PFKL: variants seen among roughly 807,000 people sequenced by gnomAD.
PFKL encodes phosphofructokinase, liver type, also known as ATP-dependent 6-phosphofructokinase, liver type.
A neutral mutation model predicts 92.1 loss-of-function variants in PFKL; 74 were observed. That is an observed-to-expected ratio of 0.80 (90% confidence interval 0.67 to 0.97). PFKL has a LOEUF of 0.97. PFKL is among the 50% of genes least tolerant of loss of function. PFKL has a pLI of 0.00. For missense variants in PFKL, 1,028 were observed against 1,116.6 expected, an observed-to-expected ratio of 0.92 and a Z score of 1.13; for synonymous variants, 494 against 456.4, an observed-to-expected ratio of 1.08 and a Z score of -1.05.
chr21:44,322,260 C>G, intron 14 of PFKL, 57 bp downstream of exon 14: 1 of 1,512,252 alleles, frequency 6.6e-7, no homozygotes, highest in Non-Finnish European at 9.0e-7. Context: ...AGTATCCAGG[C>G]CCTGCAGGTG....
chr21:44,324,808 T>A, intron 17 of PFKL, 48 bp from the exon 18 acceptor site: 1 of 1,594,098 alleles, frequency 6.3e-7, no homozygotes, highest in Non-Finnish European at 8.6e-7. Flanking sequence ...CAGCCTGGAA[T>A]TCCCTCCCCA....
Position 44,307,040 on chromosome 21 carries a change from T to C in PFKL, c.159+286T>C, listed in dbSNP as rs1027379176. On this transcript the variant is annotated intron_variant, in intron 2 of 21. Transcript: ENST00000349048. Reference sequence around the variant, plus strand: ...CTGGGTGGACAAGGAGTCGAGGCCCTGCCTACAGTGATCGCTGACGGGCCA... The same window carrying C: ...CTGGGTGGACAAGGAGTCGAGGCCCCGCCTACAGTGATCGCTGACGGGCCA... Among the ~76,000 whole-genome samples, 104 of 152,224 alleles carry C rather than the reference T, an allele frequency of 6.8e-4. 1 individual carries two copies. The highest frequency in any genetic ancestry group is 1.2e-3 in the Admixed American group (18 of 15,296).
chr21:44,312,580 G>T (rs533422916), intron 4 of PFKL, among the ~76,000 whole-genome samples: 1 of 152,352 alleles, frequency 6.6e-6, no homozygotes, highest in Non-Finnish European at 1.5e-5. Context: ...AGTCTTCTCT[G>T]TGATTGATCC....
chr21:44,319,553 G>A lies in PFKL; in HGVS notation c.1127+138G>A, dbSNP rs1274292915. On this transcript the variant is annotated intron_variant, in intron 11 of 21. Transcript: ENST00000349048. ...GCGTCTGAAGATCGAGGGAGGAAGG[G>A]GCCTGCGGGTGGTACAGGAGGCGGG... 18 of 760,640 alleles carry A rather than the reference G, an allele frequency of 2.4e-5. No homozygotes were observed. The East Asian group carries it at 2.8e-4, about 12-fold the overall frequency. The allele number at this position is 760,640 out of a possible 1,614,324, so 47.1% of individuals were successfully genotyped here. A position where few individuals can be genotyped will look rare whatever the true frequency, so the allele number is the denominator to read the frequency against.
Position 44,311,892 on chromosome 21 carries a change from C to CCGGA in PFKL, c.238-207_238-204dup, listed in dbSNP as rs2047057131. On this transcript the variant is annotated intron_variant, in intron 3 of 21. Coordinates refer to ENST00000349048, the MANE Select transcript of PFKL (RefSeq NM_002626.6). ...ACCTTGGGGCTTCCCAAGCCCAGGA[C>CCGGA]CGGACGGACATCATCCTCCTCTTTG... Among the ~76,000 whole-genome samples, 13 of 152,332 alleles carry CCGGA rather than the reference C, an allele frequency of 8.5e-5. No individual in the cohort carries two copies. In the South Asian group the frequency reaches 2.7e-3, roughly 32 times the overall value.
chr21:44,305,952 C>T (rs1193258362), intron 1 of PFKL: 2 of 1,336,966 alleles, frequency 1.5e-6, no homozygotes, highest in Non-Finnish European at 2.0e-6. Flanking sequence ...GTCCCTGAGG[C>T]CCTGGGGCAG....
At chr21:44,310,143 G>A (rs1377607653) in intron 2 of PFKL, among the ~76,000 whole-genome samples, 4 of 152,240 alleles carry the variant, frequency 2.6e-5, no homozygotes. Flanking sequence ...CACGGAGGAG[G>A]CCGCCCTTCT....
intron 5 of PFKL, 46 bp from the exon 6 acceptor site, chr21:44,313,592 G>A (rs933446062): frequency 4.4e-6 from 7 of 1,585,144 alleles, no homozygotes; most frequent in African/African-American, 1.3e-5. Flanking sequence ...GGGCTGGCAG[G>A]GCCGTGTGGC....
At position 44,323,918 on chromosome 21, in the gene PFKL, G is replaced by A. The variant is rs769134071; in HGVS notation, c.1650G>A (p.Glu550=). The A allele has an allele frequency of 3.7e-6, 6 of 1,613,282 alleles. No homozygotes were observed. Among genetic ancestry groups the A allele is most frequent in the South Asian group, 1.1e-5 (1 of 91,084 alleles). The change falls in exon 16 of 22, where the codon GAG becomes GAA. Residue 550 remains glutamate (E), a splice_region_variant and synonymous_variant. Transcript: ENST00000349048. ...ACACTGCTGTAAATGCCGCCATGGAGGTACGGGGCTCCTGGACACCGGCCT... is the reference window on the plus strand; with the variant it reads ...ACACTGCTGTAAATGCCGCCATGGAAGTACGGGGCTCCTGGACACCGGCCT... ...GSDTAVNAAM[E]SCDRIKQSAS...
At chr21:44,319,583 G>C in intron 11 of PFKL, 168 bp downstream of exon 11, 1 of 644,286 alleles carries the variant, frequency 1.6e-6, no homozygotes, top group Non-Finnish European at 2.8e-6. Flanking sequence ...GGCGGGCTGG[G>C]AGGTGTGGTA....
At chr21:44,304,412 C>T (rs1009747517) in intron 1 of PFKL, 19 of 1,242,648 alleles carry the variant, frequency 1.5e-5, no homozygotes, top group African/African-American at 1.1e-4. Context: ...GGGTGCGCTG[C>T]TCCTGCCCTC....
chr21:44,320,270 T>A, intron 12 of PFKL, 123 bp downstream of exon 12: 1 of 784,924 alleles, frequency 1.3e-6, no homozygotes, highest in Non-Finnish European at 2.0e-6. Flanking sequence ...GTCCGAGCTG[T>A]GAGCTGGGAG....
chr21:44,316,204 C>A (rs1602029331), intron 7 of PFKL, 40 bp from the exon 8 acceptor site: 1 of 1,588,550 alleles, frequency 6.3e-7, no homozygotes, highest in East Asian at 2.2e-5. Flanking sequence ...GGGCAGGTTT[C>A]CCTGCCTGGC....
chr21:44,321,700 C>G, intron 12 of PFKL, 29 bp from the exon 13 acceptor site: 2 of 1,520,510 alleles, frequency 1.3e-6, no homozygotes, highest in Non-Finnish European at 1.8e-6. Flanking sequence ...CCGGCTGTGC[C>G]TCACGCTCAT....
Position 44,300,203 on chromosome 21 carries a change from C to A in PFKL, c.85+13C>A. 9.2e-7 allele frequency: 1 copy of A among 1,084,326 alleles called. No individual in the cohort carries two copies. The highest frequency in any genetic ancestry group is 1.7e-5 in the African/African-American group (1 of 58,794). The allele number at this position is 1,084,326 out of a possible 1,614,324, so 67.2% of individuals were successfully genotyped here. On this transcript the variant is annotated intron_variant, in intron 1 of 21. Coordinates refer to ENST00000349048, the MANE Select transcript of PFKL (RefSeq NM_002626.6). ...GGCGACGCGCAAGGTGGGCGGGGGT[C>A]CCGGCCGCGTCGCGGCGCAGGGGGT...
chr21:44,301,943 C>T (rs1014820339), intron 1 of PFKL, among the ~76,000 whole-genome samples: 1 of 152,226 alleles, frequency 6.6e-6, no homozygotes, highest in Non-Finnish European at 1.5e-5. Flanking sequence ...AAGGGCCAGC[C>T]TGGCAGGTGG....
chr21:44,320,578 T>G, intron 12 of PFKL: 1 of 155,726 alleles, frequency 6.4e-6, no homozygotes. Flanking sequence ...ATACAAAAAT[T>G]AGCTGGGCGT....
intron 3 of PFKL, 118 bp downstream of exon 3, chr21:44,311,201 C>T: frequency 1.4e-6 from 1 of 703,570 alleles, no homozygotes; most frequent in Non-Finnish European, 2.4e-6. Context: ...CACACACATG[C>T]AGACACACAG....
rs148966868 is a variant in PFKL at position 44,324,613 on chromosome 21, C to T, written c.1773C>T (p.Ala591=). The T allele has an allele frequency of 2.6e-5, 42 of 1,610,192 alleles. No homozygotes were observed. The highest frequency in any genetic ancestry group is 6.7e-5 in the East Asian group (3 of 44,812). The change falls in exon 17 of 22, where the codon GCC becomes GCT. Residue 591 remains alanine (A), a synonymous_variant. Coordinates refer to ENST00000349048, the MANE Select transcript of PFKL (RefSeq NM_002626.6). ...TVTGIAVGAD[A]AYVFEDPFNI... ...CTGGCATTGCTGTGGGGGCCGACGCCGCCTACGTCTTCGAGGACCCTTTCA... is the reference window on the plus strand; with the variant it reads ...CTGGCATTGCTGTGGGGGCCGACGCTGCCTACGTCTTCGAGGACCCTTTCA...
Sources: allele counts gnomAD v4.1 joint callset (sites outside exome capture counted in the v4.1 genomes callset), GRCh38; gene constraint gnomAD v4.1.1; transcripts MANE v1.5; gene names NCBI Gene and HGNC (gene_info 2026-07-23, HGNC 2026-07-21).